The following ITGA8 variants were observed in gnomAD, a reference collection of about 807,000 sequenced individuals.
ITGA8 encodes the protein integrin subunit alpha 8.
Under a neutral mutation model 142.3 loss-of-function variants are expected in ITGA8, and 91 were observed. The observed-to-expected ratio is 0.64, with a 90% CI of 0.54 to 0.76. The LOEUF (loss-of-function observed/expected upper bound fraction) is 0.76, where lower values mean the gene tolerates loss of function less well. ITGA8 is among the 30% of genes least tolerant of loss of function. The pLI is 0.00. For missense variants in ITGA8, 1,406 were observed against 1,327.7 expected, an observed-to-expected ratio of 1.06 and a Z score of -0.92; for synonymous variants, 505 against 485.2, an observed-to-expected ratio of 1.04 and a Z score of -0.54.
chr10:15,681,538 T>C (rs1387427618), intron 4 of ITGA8, among the ~76,000 whole-genome samples: 1 of 152,200 alleles, frequency 6.6e-6, no homozygotes, highest in Non-Finnish European at 1.5e-5. Context: ...AAAAAATGGT[T>C]CAAACTCACT....
intron 14 of ITGA8, among the ~76,000 whole-genome samples, chr10:15,615,062 C>T (rs1833368123): frequency 6.6e-6 from 1 of 152,148 alleles, no homozygotes; most frequent in South Asian, 2.1e-4. Context: ...AGAGGAGTTC[C>T]ATGTCTTGCA....
At chr10:15,540,124 C>T (rs1357251775) in intron 27 of ITGA8, among the ~76,000 whole-genome samples, 1 of 152,180 alleles carries the variant, frequency 6.6e-6, no homozygotes, top group Admixed American at 6.5e-5. Context: ...TTTTCATTAG[C>T]AGCATGAAAA....
intron 13 of ITGA8, among the ~76,000 whole-genome samples, chr10:15,623,538 T>G (rs181385091): frequency 1.6e-4 from 24 of 152,076 alleles, no homozygotes; most frequent in African/African-American, 4.8e-4. Flanking sequence ...ATACAAAAAT[T>G]AGCCTGGTGT....
At chr10:15,536,864 A>C (rs992163129) in intron 27 of ITGA8, among the ~76,000 whole-genome samples, 4 of 152,218 alleles carry the variant, frequency 2.6e-5, no homozygotes, top group Non-Finnish European at 5.9e-5. Context: ...CTAGTGTGTC[A>C]GGCAATGACA....
At chr10:15,688,847 C>A (rs1299332171) in intron 2 of ITGA8, among the ~76,000 whole-genome samples, 2 of 152,106 alleles carry the variant, frequency 1.3e-5, no homozygotes, top group African/African-American at 4.8e-5. Context: ...GGGAATGTAC[C>A]TACACACAGT....
At chr10:15,520,832 G>C (rs1232417237) in intron 28 of ITGA8, among the ~76,000 whole-genome samples, 3 of 152,306 alleles carry the variant, frequency 2.0e-5, no homozygotes, top group Non-Finnish European at 1.5e-5. Context: ...TTTCAATCCT[G>C]AAACACACTC....
intron 4 of ITGA8, among the ~76,000 whole-genome samples, chr10:15,680,216 CTTTTTTTTTTTT>C (rs71374638): frequency 3.7e-5 from 2 of 54,230 alleles, no homozygotes; most frequent in African/African-American, 8.3e-5. Context: ...CCAGATGCTC[CTTTTTTTTTTTT>C]TTTTTTTTTT....
chr10:15,656,302 A>C (rs1834183239), intron 10 of ITGA8, among the ~76,000 whole-genome samples: 1 of 152,146 alleles, frequency 6.6e-6, no homozygotes, highest in Non-Finnish European at 1.5e-5. Context: ...AGTCAACAAA[A>C]GCTCCTAAAT....
At chr10:15,538,121 C>CT (rs932803250) in intron 27 of ITGA8, among the ~76,000 whole-genome samples, 15 of 152,018 alleles carry the variant, frequency 9.9e-5, no homozygotes, top group Admixed American at 6.6e-4. Flanking sequence ...GACCCTGTTT[C>CT]TAAGAAAACA....
At chr10:15,646,414 A>ACC (rs1833981168) in intron 12 of ITGA8, among the ~76,000 whole-genome samples, 1 of 152,206 alleles carries the variant, frequency 6.6e-6, no homozygotes, top group Non-Finnish European at 1.5e-5. Flanking sequence ...GGTTTTCAAA[A>ACC]TGTAGTAACA....
intron 8 of ITGA8, among the ~76,000 whole-genome samples, chr10:15,665,454 C>G (rs1004505493): frequency 4.6e-5 from 7 of 152,078 alleles, no homozygotes; most frequent in African/African-American, 1.7e-4. Context: ...AATTTTTTCC[C>G]ATTTTTTAGG....
chr10:15,712,502 G>A (rs1277386298), intron 2 of ITGA8, among the ~76,000 whole-genome samples: 1 of 152,210 alleles, frequency 6.6e-6, no homozygotes, highest in Non-Finnish European at 1.5e-5. Flanking sequence ...TTGGGAGGCT[G>A]AGGCAGGAGA....
rs1833995371 is a variant in ITGA8 at position 15,647,061 on chromosome 10, A to G, written c.1002-10T>C. 4 of 1,610,354 alleles carry G rather than the reference A, an allele frequency of 2.5e-6. No individual in the cohort carries two copies. Among genetic ancestry groups the G allele is most frequent in the East Asian group, 2.2e-5 (1 of 44,864 alleles). The stretch of plus-strand genomic sequence containing the variant: ...CAGGACATCATCCAGTCTGTAAGGA[A>G]CAAAGAAAGCAGCTCAGCACGCTAG... On this transcript the variant is annotated splice_polypyrimidine_tract_variant and intron_variant, in intron 11 of 29. Transcript: ENST00000378076.
At chr10:15,704,560 T>C (rs1835223095) in intron 2 of ITGA8, among the ~76,000 whole-genome samples, 1 of 151,742 alleles carries the variant, frequency 6.6e-6, no homozygotes. Context: ...CACCTCTAGA[T>C]TTTTTTCACA....
intron 26 of ITGA8, among the ~76,000 whole-genome samples, chr10:15,555,549 CG>C (rs1833871327): frequency 6.6e-6 from 1 of 152,172 alleles, no homozygotes. Flanking sequence ...TCACAGTTTC[CG>C]GGATGAACCC....
intron 8 of ITGA8, among the ~76,000 whole-genome samples, chr10:15,663,616 T>C (rs1397342013): frequency 6.6e-6 from 1 of 151,814 alleles, no homozygotes; most frequent in East Asian, 1.9e-4. Flanking sequence ...CACCCAAGGC[T>C]AGAGTGCAGT....
intron 13 of ITGA8, among the ~76,000 whole-genome samples, chr10:15,623,675 G>T (rs753530583): frequency 2.0e-4 from 31 of 152,126 alleles, no homozygotes; most frequent in Non-Finnish European, 3.7e-4. Context: ...GGCAGAGTGA[G>T]ACTCCATCTC....
intron 4 of ITGA8, among the ~76,000 whole-genome samples, chr10:15,682,179 AT>A (rs903451261): frequency 5.9e-5 from 9 of 151,994 alleles, no homozygotes; most frequent in African/African-American, 2.2e-4. Context: ...GTCTTGCTGT[AT>A]TTTTTTGTAG....
intron 6 of ITGA8, 59 bp downstream of exon 6, chr10:15,677,533 G>A: frequency 7.4e-7 from 1 of 1,352,460 alleles, no homozygotes; most frequent in Non-Finnish European, 1.0e-6. Context: ...ACTACTTCTG[G>A]GTCCATCCTT....
Sources: allele counts gnomAD v4.1 joint callset (sites outside exome capture counted in the v4.1 genomes callset), GRCh38; gene constraint gnomAD v4.1.1; transcripts MANE v1.5; gene names NCBI Gene and HGNC (gene_info 2026-07-23, HGNC 2026-07-21).